Variants in NLRC4 observed in about 807,000 individuals in gnomAD.
The protein encoded by NLRC4 is NLR family CARD domain containing 4, also known as NLR family CARD domain-containing protein 4.
A neutral mutation model predicts 79.9 loss-of-function variants in NLRC4; 63 were observed. That is an observed-to-expected ratio of 0.79 (90% confidence interval 0.64 to 0.97). The LOEUF is 0.97. Ranked by LOEUF, NLRC4 falls within the 50% of genes least tolerant of loss-of-function variation. The pLI, the probability that NLRC4 is intolerant of heterozygous loss-of-function variation, is 0.00. For missense variants in NLRC4, 1,074 were observed against 1,215.2 expected (o/e 0.88, Z 1.73); for synonymous variants, 461 against 456.5 (o/e 1.01, Z -0.12).
intron 4 of NLRC4, among the ~76,000 whole-genome samples, chr2:32,245,539 T>G (rs1573486939): frequency 6.6e-6 from 1 of 152,034 alleles, no homozygotes; most frequent in African/African-American, 2.4e-5. Flanking sequence ...AAGGGATAAA[T>G]AAGATCTAGT....
At chr2:32,231,451 G>A (rs1055664915) in intron 8 of NLRC4, among the ~76,000 whole-genome samples, 2 of 151,216 alleles carry the variant, frequency 1.3e-5, no homozygotes, top group Non-Finnish European at 2.9e-5. Flanking sequence ...CACCACGCCC[G>A]GCCATAAGAG....
rs146103494 is a variant in NLRC4, at chr2:32,241,024, A to G, written c.2350+9T>C. 7.9e-5 allele frequency: 119 copies of G among 1,512,630 alleles called. No homozygotes were observed. The East Asian group carries it at 2.0e-3, about 26-fold the overall frequency. The allele number at this position is 1,512,630 out of a possible 1,614,324, so 93.7% of individuals were successfully genotyped here. ...TACATTGATACAAATATGAGAACAGAAATCTGACCTAGTTTTATAGCATCT... is the reference window on the plus strand; with the variant it reads ...TACATTGATACAAATATGAGAACAGGAATCTGACCTAGTTTTATAGCATCT... On this transcript the variant is annotated intron_variant, in intron 5 of 8. Transcript: ENST00000402280.
chr2:32,248,734 C>T (rs1686996139), intron 4 of NLRC4, among the ~76,000 whole-genome samples: 1 of 151,996 alleles, frequency 6.6e-6, no homozygotes, highest in Non-Finnish European at 1.5e-5. Context: ...CCACTGCACT[C>T]CCACCTGGGT....
Position 32,251,000 on chromosome 2 carries a change from C to T in NLRC4, c.864G>A (p.Arg288=). 1.9e-6 allele frequency: 3 copies of T among 1,614,186 alleles called. No homozygotes were observed. Among genetic ancestry groups the T allele is most frequent in the Non-Finnish European group, 2.5e-6 (3 of 1,180,036 alleles). ...CCTCAGCAGTCAGGGCACCAAACTG[C>T]CGTATGTGCCTCAGGCACTCAGTGG... ...TTTTECLRHI[R]QFGALTAEVG... The change falls in exon 4 of 9, where the codon CGG becomes CGA. Residue 288 remains arginine, a synonymous_variant. Coordinates refer to ENST00000402280, the MANE Select transcript of NLRC4 (RefSeq NM_001199138.2). This position sits in a 1 kb window ranked among gnomAD's most constrained non-coding sequence, Gnocchi z 4.9.
chr2:32,233,345 ATATATTTT>A (rs1291601333), intron 8 of NLRC4, among the ~76,000 whole-genome samples: 828 of 63,650 alleles, frequency 0.013, 5 homozygotes, highest in African/African-American at 0.037. Flanking sequence ...ATATATATAT[ATATATTTT>A]TTTTTTTTTT....
intron 1 of NLRC4, among the ~76,000 whole-genome samples, chr2:32,259,736 C>T (rs1313425331): frequency 6.6e-6 from 1 of 152,130 alleles, no homozygotes; most frequent in Non-Finnish European, 1.5e-5. Context: ...ATCTCTGCCA[C>T]ACCCTCAAAG....
chr2:32,237,773 C>A (rs902938926), intron 6 of NLRC4, among the ~76,000 whole-genome samples: 3 of 152,118 alleles, frequency 2.0e-5, no homozygotes, highest in African/African-American at 7.2e-5. Context: ...TTAAGAAAAT[C>A]TTTATCTCTC....
Position 32,244,076 on chromosome 2 carries a change from C to T in NLRC4, c.2258-2951G>A, listed in dbSNP as rs7587190. On this transcript the variant is annotated intron_variant, in intron 4 of 8. Transcript: ENST00000402280. The stretch of plus-strand genomic sequence containing the variant: ...ACCAGCCTGGGCAACATAGCGAGAA[C>T]TCGTCTCTACAAAAAATTTAAAAAT... Among the ~76,000 whole-genome samples the T allele has an allele frequency of 6.0e-3, 913 of 152,168 alleles. 11 individuals carry two copies. Among genetic ancestry groups the T allele is most frequent in the African/African-American group, 0.021 (855 of 41,512 alleles).
intron 4 of NLRC4, among the ~76,000 whole-genome samples, chr2:32,242,214 C>A (rs1686822103): frequency 1.3e-5 from 2 of 151,818 alleles, no homozygotes; most frequent in Admixed American, 1.3e-4. Context: ...AGAAAAAAAT[C>A]AATGAAGCTA....
At chr2:32,238,412 G>C in intron 5 of NLRC4, 110 bp from the exon 6 acceptor site, 1 of 887,636 alleles carries the variant, frequency 1.1e-6, no homozygotes, top group Non-Finnish European at 1.7e-6. Context: ...ACCTTGCCAT[G>C]TTCTTCCTGC....
chr2:32,258,771 TC>T lies in NLRC4; in HGVS notation c.-118-1879del, dbSNP rs540260189. On this transcript the variant is annotated intron_variant, in intron 1 of 8. Coordinates refer to ENST00000402280, the MANE Select transcript of NLRC4 (RefSeq NM_001199138.2). The stretch of plus-strand genomic sequence containing the variant: ...CCTCCTAGTTGCTTTAAAAGCAACT[TC>T]CTTTCTCCCTTCCTCCTCCACACAC... Among the ~76,000 whole-genome samples the T allele has an allele frequency of 9.2e-5, 14 of 152,258 alleles. No individual in the cohort carries two copies. In the South Asian group the frequency reaches 2.9e-3, roughly 32 times the overall value.
At chr2:32,254,087 T>C (rs937376189) in intron 2 of NLRC4, among the ~76,000 whole-genome samples, 1 of 151,654 alleles carries the variant, frequency 6.6e-6, no homozygotes, top group African/African-American at 2.4e-5. Flanking sequence ...ATTCCTACCA[T>C]GGCCTATTTC....
chr2:32,259,262 ATTTTTTTTT>A lies in NLRC4; in HGVS notation c.-118-2378_-118-2370del, dbSNP rs57570626. ...AGGTGTGTGCCACCATGCCTGGCTA[ATTTTTTTTT>A]TTTTTTTTTTTTTTTTTTTAGAGAC... On this transcript the variant is annotated intron_variant, in intron 1 of 8. Coordinates refer to ENST00000402280, the MANE Select transcript of NLRC4 (RefSeq NM_001199138.2). Among the ~76,000 whole-genome samples, 24 of 52,900 alleles carry A rather than the reference ATTTTTTTTT, an allele frequency of 4.5e-4. 1 individual carries two copies. The highest frequency in any genetic ancestry group is 1.1e-3 in the African/African-American group (12 of 10,702). 34.7% of individuals were successfully genotyped at this position (52,900 alleles called of 152,430 possible). A position where few individuals can be genotyped will look rare whatever the true frequency, so the allele number is the denominator to read the frequency against.
intron 8 of NLRC4, among the ~76,000 whole-genome samples, chr2:32,225,435 G>A (rs1686362288): frequency 6.6e-6 from 1 of 150,676 alleles, no homozygotes; most frequent in South Asian, 2.1e-4. Flanking sequence ...GTGTGTGTGT[G>A]TGTGTGTGTG....
At chr2:32,261,315 C>CTTTTTTTTTTTTTTTTTTTTTTTTTTTTT (rs1558464069) in intron 1 of NLRC4, among the ~76,000 whole-genome samples, 3 of 81,570 alleles carry the variant, frequency 3.7e-5, no homozygotes, top group African/African-American at 1.4e-4. Flanking sequence ...AAGCCTCCCC[C>CTTTTTTTTTTTTTTTTTTTTTTTTTTTTT]CTTTTGTTTT....
chr2:32,257,233 A>G (rs1298574471), intron 1 of NLRC4, among the ~76,000 whole-genome samples: 1 of 152,226 alleles, frequency 6.6e-6, no homozygotes, highest in African/African-American at 2.4e-5. Context: ...TCTCTCCAGT[A>G]TTTCCAGGAA....
chr2:32,239,019 ACCTGTAATC>A (rs1686735051), intron 5 of NLRC4, among the ~76,000 whole-genome samples: 2 of 152,138 alleles, frequency 1.3e-5, no homozygotes, highest in South Asian at 4.1e-4. Flanking sequence ...GGTGGCTCAC[ACCTGTAATC>A]CCAGCACTAT....
intron 2 of NLRC4, among the ~76,000 whole-genome samples, chr2:32,256,383 A>G (rs553462318): frequency 6.6e-6 from 1 of 152,198 alleles, no homozygotes; most frequent in East Asian, 1.9e-4. Context: ...GCTAGTGGCT[A>G]CTATTAATAT....
intron 8 of NLRC4, among the ~76,000 whole-genome samples, chr2:32,233,347 A>ATTTTT (rs1453870780): frequency 8.8e-5 from 4 of 45,626 alleles, no homozygotes; most frequent in African/African-American, 4.0e-4. Context: ...ATATATATAT[A>ATTTTT]TATTTTTTTT....
Sources: allele counts gnomAD v4.1 joint callset (sites outside exome capture counted in the v4.1 genomes callset), GRCh38; gene constraint gnomAD v4.1.1; non-coding constraint Gnocchi (gnomAD v3.1); transcripts MANE v1.5; gene names NCBI Gene and HGNC (gene_info 2026-07-23, HGNC 2026-07-21).